AMD1: variants seen among roughly 807,000 people sequenced by gnomAD.
The protein encoded by AMD1 is adenosylmethionine decarboxylase 1.
AMD1 carries 11 observed loss-of-function variants against 40.2 expected under a neutral mutation model. The observed-to-expected ratio is 0.27, with a 90% CI of 0.17 to 0.45. AMD1 has a LOEUF of 0.45. Ranked by LOEUF, AMD1 falls within the 20% of genes least tolerant of loss-of-function variation. AMD1 has a pLI of 1.00. For synonymous variants in AMD1, 121 were observed against 130.8 expected, an observed-to-expected ratio of 0.93 and a Z score of 0.51; for missense variants, 257 against 410.2, an observed-to-expected ratio of 0.63 and a Z score of 3.23.
the AMD1 span, among the ~76,000 whole-genome samples, chr6:110,861,392 C>T: frequency 2.7e-5 from 4 of 148,212 alleles, no homozygotes; most frequent in Non-Finnish European, 4.4e-5. Flanking sequence ...GATGTAGTGG[C>T]GTGTGCCTGT....
At chr6:110,827,486 C>T in the AMD1 span, among the ~76,000 whole-genome samples, 1 of 151,562 alleles carries the variant, frequency 6.6e-6, no homozygotes, top group Admixed American at 6.6e-5. Context: ...TACAAGAGGC[C>T]GGGTGTGGTG....
At chr6:110,864,101 A>T in the AMD1 span, 1 of 211,960 alleles carries the variant, frequency 4.7e-6, no homozygotes, top group Non-Finnish European at 9.5e-6. Flanking sequence ...GTGGGATTAC[A>T]GGTGTGCGCC....
the AMD1 span, among the ~76,000 whole-genome samples, chr6:110,847,695 GTTTTTGT>G: frequency 5.7e-4 from 85 of 149,384 alleles, no homozygotes; most frequent in African/African-American, 1.0e-3. Flanking sequence ...AATTTCCTTT[GTTTTTGT>G]TTTTTGTTTT....
the AMD1 span, among the ~76,000 whole-genome samples, chr6:110,829,251 G>A: frequency 6.6e-6 from 1 of 151,882 alleles, no homozygotes; most frequent in South Asian, 2.1e-4. Flanking sequence ...TGAATTTTCG[G>A]CTGAGTGCAG....
chr6:110,815,380 A>AC, the AMD1 span: 188 of 367,752 alleles, frequency 5.1e-4, 3 homozygotes, highest in South Asian at 8.9e-3. Flanking sequence ...TCCCGCAGGC[A>AC]CCCCCAGTCC....
the AMD1 span, among the ~76,000 whole-genome samples, chr6:110,843,762 T>A: frequency 1.3e-5 from 2 of 151,536 alleles, no homozygotes; most frequent in Admixed American, 6.6e-5. Flanking sequence ...ATTTTTGTAG[T>A]TTTTTTTGTA....
the AMD1 span, chr6:110,814,884 A>T: frequency 7.6e-7 from 1 of 1,320,354 alleles, no homozygotes; most frequent in Non-Finnish European, 1.0e-6. Flanking sequence ...TCCGGACGCA[A>T]CCCCGCGACC....
At chr6:110,877,660 G>A (rs1365262753) in intron 1 of AMD1, among the ~76,000 whole-genome samples, 6 of 152,228 alleles carry the variant, frequency 3.9e-5, no homozygotes. Context: ...CATAGCTCAT[G>A]GAAGTTGTGA....
At chr6:110,831,696 G>C in the AMD1 span, among the ~76,000 whole-genome samples, 1 of 152,096 alleles carries the variant, frequency 6.6e-6, no homozygotes, top group Non-Finnish European at 1.5e-5. Flanking sequence ...TTTGCATTGG[G>C]AACCTTAGCA....
chr6:110,893,750 A>G lies in AMD1; in HGVS notation c.*134A>G. 1.0e-6 allele frequency: 1 copy of G among 968,880 alleles called. No homozygotes were observed. Among genetic ancestry groups the G allele is most frequent in the Non-Finnish European group, 1.5e-6 (1 of 668,588 alleles). 60.0% of individuals were successfully genotyped at this position (968,880 alleles called of 1,614,324 possible). ...GTTGCAGAAAGCCCTAGATGTAATG[A>G]TAGTGTAATCATTTTGAATTGTATG... On this transcript the variant is annotated 3_prime_UTR_variant, in exon 9 of 9. Transcript: ENST00000368885.
In AMD1 at chr6:110,892,725, C is replaced by CT; in HGVS notation, c.616-10_616-9insT. On this transcript the variant is annotated splice_polypyrimidine_tract_variant and intron_variant, in intron 6 of 8. Transcript: ENST00000368885. ...AACCCTTGTTAAACTCGGTCTTTTT[C>CT]CCCCCCCAGGAGAGTGGAATTCGTG... 1.4e-6 allele frequency: 2 copies of CT among 1,454,992 alleles called. No homozygotes were observed. Among genetic ancestry groups the CT allele is most frequent in the Non-Finnish European group, 1.8e-6 (2 of 1,102,574 alleles). 90.1% of individuals were successfully genotyped at this position (1,454,992 alleles called of 1,614,324 possible).
At chr6:110,869,440 T>TAAA in the AMD1 span, among the ~76,000 whole-genome samples, 5 of 150,450 alleles carry the variant, frequency 3.3e-5, no homozygotes, top group Non-Finnish European at 7.4e-5. Context: ...CCCATTACTT[T>TAAA]AGCTTCTATT....
At chr6:110,861,307 G>A in the AMD1 span, among the ~76,000 whole-genome samples, 18 of 149,804 alleles carry the variant, frequency 1.2e-4, no homozygotes, top group African/African-American at 4.4e-4. Context: ...GCAGTGAGCC[G>A]AGATCATGCC....
At chr6:110,848,107 G>A in the AMD1 span, among the ~76,000 whole-genome samples, 1 of 152,198 alleles carries the variant, frequency 6.6e-6, no homozygotes, top group Non-Finnish European at 1.5e-5. Flanking sequence ...TACATCATGG[G>A]ATGATGACAT....
the AMD1 span, among the ~76,000 whole-genome samples, chr6:110,825,399 C>T: frequency 1.3e-5 from 2 of 152,308 alleles, no homozygotes; most frequent in Admixed American, 1.3e-4. Flanking sequence ...CAAATGATCC[C>T]ACTGAAACAT....
the AMD1 span, among the ~76,000 whole-genome samples, chr6:110,837,409 T>C: frequency 3.4e-3 from 514 of 151,828 alleles, 4 homozygotes; most frequent in African/African-American, 0.012. Flanking sequence ...AGGTTCATAA[T>C]TGATACATAA....
the AMD1 span, among the ~76,000 whole-genome samples, chr6:110,838,789 G>A: frequency 6.6e-6 from 1 of 152,108 alleles, no homozygotes; most frequent in African/African-American, 2.4e-5. Flanking sequence ...AACCTGGAGG[G>A]CTGAGGTTGC....
chr6:110,842,474 C>T, the AMD1 span, among the ~76,000 whole-genome samples: 1 of 152,190 alleles, frequency 6.6e-6, no homozygotes, highest in Non-Finnish European at 1.5e-5. Context: ...ACCTGCCCCA[C>T]TTTGTGTTTG....
chr6:110,868,597 TAA>T, the AMD1 span, among the ~76,000 whole-genome samples: 1 of 152,220 alleles, frequency 6.6e-6, no homozygotes, highest in Non-Finnish European at 1.5e-5. Context: ...CTATGTCTGA[TAA>T]ACTGAAATAC....
Sources: gnomAD v4.1 joint callset for allele counts (sites outside exome capture counted in the v4.1 genomes callset) on GRCh38, gnomAD v4.1.1 for gene constraint, MANE v1.5 for transcripts, NCBI Gene and HGNC (gene_info 2026-07-23, HGNC 2026-07-21) for gene names.